VWC2: variants seen among roughly 807,000 people sequenced by gnomAD.
VWC2 encodes the protein brorin.
VWC2 carries 14 observed loss-of-function variants against 29.8 expected under a neutral mutation model. That is an observed-to-expected ratio of 0.47 (90% CI 0.31 to 0.74). VWC2 has a LOEUF of 0.74. VWC2 is among the 30% of genes least tolerant of loss of function. VWC2 has a pLI of 0.05. For missense variants in VWC2, 457 were observed against 459.8 expected (o/e 0.99, Z 0.05); for synonymous variants, 213 against 199.0 (o/e 1.07, Z -0.59).
At chr7:49,825,448 T>C (rs1297371268) in intron 3 of VWC2, among the ~76,000 whole-genome samples, 1 of 152,232 alleles carries the variant, frequency 6.6e-6, no homozygotes, top group East Asian at 1.9e-4. Context: ...TGAGGATTGA[T>C]GGTTTTCTGC....
intron 3 of VWC2, among the ~76,000 whole-genome samples, chr7:49,878,132 A>C (rs1471168962): frequency 6.6e-6 from 1 of 152,014 alleles, no homozygotes; most frequent in East Asian, 1.9e-4. Context: ...TGGTGCTTCT[A>C]CCCACAGCCT....
intron 3 of VWC2, among the ~76,000 whole-genome samples, chr7:49,872,831 G>A (rs376633038): frequency 7.5e-5 from 10 of 133,712 alleles, no homozygotes; most frequent in East Asian, 2.4e-4. Context: ...CAGGAGAATC[G>A]CTTGAAACCA....
At chr7:49,811,656 A>C (rs1789010044) in intron 3 of VWC2, among the ~76,000 whole-genome samples, 1 of 152,244 alleles carries the variant, frequency 6.6e-6, no homozygotes, top group Admixed American at 6.5e-5. Context: ...AATAAAAAGG[A>C]CAGAAAGTAC....
chr7:49,921,047 A>G lies in VWC2; in HGVS notation c.*8862A>G, dbSNP rs1793995301. 6.6e-6 allele frequency: 1 copy of G among 152,234 alleles called. No homozygotes were observed. Among genetic ancestry groups the G allele is most frequent in the South Asian group, 2.1e-4 (1 of 4,834 alleles). 9.4% of individuals were successfully genotyped at this position (152,234 alleles called of 1,614,324 possible). Reference sequence around the variant, plus strand: ...TGTACAAATTTATTAAACAACATCAATTTTACCTAACAACTGTAACCACTA... The same window carrying G: ...TGTACAAATTTATTAAACAACATCAGTTTTACCTAACAACTGTAACCACTA... On this transcript the variant is annotated 3_prime_UTR_variant, in exon 4 of 4. Coordinates refer to ENST00000340652, the MANE Select transcript of VWC2 (RefSeq NM_198570.5).
chr7:49,788,823 GA>G (rs1788372818), intron 2 of VWC2, among the ~76,000 whole-genome samples: 1 of 139,508 alleles, frequency 7.2e-6, no homozygotes, highest in Non-Finnish European at 1.6e-5. Context: ...TGTGAGAGTG[GA>G]TATGTGGGTA....
At chr7:49,818,853 T>G (rs981391597) in intron 3 of VWC2, among the ~76,000 whole-genome samples, 1 of 146,386 alleles carries the variant, frequency 6.8e-6, no homozygotes, top group Non-Finnish European at 1.5e-5. Flanking sequence ...ATCATATATA[T>G]TCAATAAAAA....
At chr7:49,903,646 G>A (rs1434512199) in intron 3 of VWC2, among the ~76,000 whole-genome samples, 1 of 152,192 alleles carries the variant, frequency 6.6e-6, no homozygotes, top group Non-Finnish European at 1.5e-5. Flanking sequence ...TCTTGATTGG[G>A]TGGTGATTAC....
chr7:49,789,176 C>G (rs915879234), intron 2 of VWC2, among the ~76,000 whole-genome samples: 2 of 113,096 alleles, frequency 1.8e-5, no homozygotes, highest in African/African-American at 7.3e-5. Flanking sequence ...TGTGTGTTAG[C>G]ATGTGTGTGG....
chr7:49,877,291 G>A (rs1583733800), intron 3 of VWC2, among the ~76,000 whole-genome samples: 2 of 150,396 alleles, frequency 1.3e-5, no homozygotes, highest in East Asian at 4.0e-4. Context: ...GGGGAGCCCC[G>A]TGTCTACTAA....
At chr7:49,806,473 C>T (rs1213614101) in intron 3 of VWC2, among the ~76,000 whole-genome samples, 1 of 152,160 alleles carries the variant, frequency 6.6e-6, no homozygotes, top group Non-Finnish European at 1.5e-5. Context: ...GTATTACTGC[C>T]ACCTGATGAT....
chr7:49,857,009 C>CAAAAAAAAAAAAAAAAAAAAAA (rs59910243), intron 3 of VWC2, among the ~76,000 whole-genome samples: 2 of 52,786 alleles, frequency 3.8e-5, no homozygotes, highest in Admixed American at 3.9e-4. Context: ...GATACTGTCT[C>CAAAAAAAAAAAAAAAAAAAAAA]AAAAAAAAAA....
At chr7:49,825,845 T>A (rs1247479305) in intron 3 of VWC2, among the ~76,000 whole-genome samples, 1 of 152,234 alleles carries the variant, frequency 6.6e-6, no homozygotes, top group Admixed American at 6.5e-5. Flanking sequence ...GGCCACCTCC[T>A]CAGACTCCTC....
intron 3 of VWC2, among the ~76,000 whole-genome samples, chr7:49,856,277 A>T (rs752420357): frequency 6.6e-6 from 1 of 152,046 alleles, no homozygotes; most frequent in Non-Finnish European, 1.5e-5. Flanking sequence ...CTTGGTAATG[A>T]GTGGGTTCTC....
At chr7:49,787,869 A>T (rs1216979896) in intron 2 of VWC2, among the ~76,000 whole-genome samples, 1 of 152,132 alleles carries the variant, frequency 6.6e-6, no homozygotes, top group Non-Finnish European at 1.5e-5. Flanking sequence ...AAGCTAAGAA[A>T]ATCAGCTTAT....
chr7:49,884,450 G>C (rs1452713288), intron 3 of VWC2, among the ~76,000 whole-genome samples: 1 of 152,166 alleles, frequency 6.6e-6, no homozygotes, highest in Admixed American at 6.5e-5. Context: ...GGAAGGTGGA[G>C]AACAGCAATT....
intron 3 of VWC2, among the ~76,000 whole-genome samples, chr7:49,854,716 A>T (rs1455974929): frequency 6.6e-6 from 1 of 152,200 alleles, no homozygotes; most frequent in Non-Finnish European, 1.5e-5. Context: ...TCTTTAGTTT[A>T]ATTAGATCCC....
At chr7:49,886,968 TG>T (rs1339405930) in intron 3 of VWC2, among the ~76,000 whole-genome samples, 8 of 152,204 alleles carry the variant, frequency 5.3e-5, no homozygotes. Flanking sequence ...TTGTCTTGTT[TG>T]CCTTTACCTT....
rs140342986 is a variant in VWC2, at chr7:49,883,204, G to A, written c.827-28830G>A. The stretch of plus-strand genomic sequence containing the variant: ...TTGAGGAGAAGCAGGCAATGAAGTC[G>A]ACTGACCCGAACCTGCCAAGCGGAA... On this transcript the variant is annotated intron_variant, in intron 3 of 3. Transcript: ENST00000340652. Among the ~76,000 whole-genome samples, 464 of 152,108 alleles carry A rather than the reference G, an allele frequency of 3.1e-3. 2 individuals are homozygous for A. Among genetic ancestry groups the A allele is most frequent in the African/African-American group, 0.01 (434 of 41,508 alleles).
chr7:49,832,268 T>G (rs1259167520), intron 3 of VWC2, among the ~76,000 whole-genome samples: 3 of 152,122 alleles, frequency 2.0e-5, no homozygotes, highest in African/African-American at 7.2e-5. Context: ...AAAGACAAAA[T>G]TATAAGAAAT....
Sources: allele counts gnomAD v4.1 joint callset (sites outside exome capture counted in the v4.1 genomes callset), GRCh38; gene constraint gnomAD v4.1.1; transcripts MANE v1.5; gene names NCBI Gene and HGNC (gene_info 2026-07-23, HGNC 2026-07-21).